The following E2F3 variants were observed in gnomAD, a reference collection of about 807,000 sequenced individuals.
The protein encoded by E2F3 is E2F transcription factor 3.
Under a neutral mutation model 44.4 loss-of-function variants are expected in E2F3, and 11 were observed. The observed-to-expected ratio is 0.25, with a 90% CI of 0.16 to 0.41. The LOEUF (loss-of-function observed/expected upper bound fraction) is 0.41, where lower values mean the gene tolerates loss of function less well. E2F3 is among the 10% of genes least tolerant of loss of function. The pLI is 1.00. For missense variants in E2F3, 487 were observed against 583.6 expected (o/e 0.83, Z 1.70); for synonymous variants, 249 against 253.0 (o/e 0.98, Z 0.15).
intron 1 of E2F3, among the ~76,000 whole-genome samples, chr6:20,459,098 T>C (rs1262491874): frequency 1.3e-5 from 2 of 152,168 alleles, no homozygotes; most frequent in African/African-American, 4.8e-5. Context: ...AAACCCCGTC[T>C]CTACTAAAAA....
At chr6:20,433,755 T>C (rs1394867298) in intron 1 of E2F3, among the ~76,000 whole-genome samples, 1 of 152,166 alleles carries the variant, frequency 6.6e-6, no homozygotes, top group Admixed American at 6.5e-5. Context: ...TATTTTCTTT[T>C]TTAAGACATA....
At chr6:20,413,908 T>C (rs939302234) in intron 1 of E2F3, among the ~76,000 whole-genome samples, 4 of 152,158 alleles carry the variant, frequency 2.6e-5, no homozygotes, top group African/African-American at 9.7e-5. Context: ...GACCTTTGAC[T>C]CCCAAATATT....
chr6:20,414,538 C>T (rs1759780462), intron 1 of E2F3, among the ~76,000 whole-genome samples: 1 of 151,940 alleles, frequency 6.6e-6, no homozygotes, highest in Non-Finnish European at 1.5e-5. Flanking sequence ...AACATATGAG[C>T]CTTTGAATAC....
At chr6:20,470,752 T>G (rs189637756) in intron 1 of E2F3, among the ~76,000 whole-genome samples, 22 of 152,330 alleles carry the variant, frequency 1.4e-4, no homozygotes, top group Non-Finnish European at 2.4e-4. Context: ...TTTGTTAACA[T>G]ACAGCAGGCC....
chr6:20,462,458 CT>C (rs111956411), intron 1 of E2F3, among the ~76,000 whole-genome samples: 7,477 of 139,278 alleles, frequency 0.054, 573 homozygotes, highest in African/African-American at 0.18. Context: ...TTCACTAATT[CT>C]TTTTTTTTTT....
At chr6:20,424,846 G>A (rs918829103) in intron 1 of E2F3, among the ~76,000 whole-genome samples, 2 of 152,180 alleles carry the variant, frequency 1.3e-5, no homozygotes, top group Non-Finnish European at 2.9e-5. Context: ...CAGTGATGAA[G>A]CAGTTTGTCC....
intron 1 of E2F3, among the ~76,000 whole-genome samples, chr6:20,463,822 A>G (rs1342953750): frequency 1.3e-5 from 2 of 152,162 alleles, no homozygotes; most frequent in African/African-American, 4.8e-5. Context: ...CACAGGTTGA[A>G]GGCTGAGCCC....
At chr6:20,443,612 G>A (rs1357349713) in intron 1 of E2F3, among the ~76,000 whole-genome samples, 1 of 151,900 alleles carries the variant, frequency 6.6e-6, no homozygotes, top group African/African-American at 2.4e-5. Context: ...GTGCACGCCT[G>A]TAGTCTTAGT....
At chr6:20,461,021 A>C (rs1761487764) in intron 1 of E2F3, among the ~76,000 whole-genome samples, 1 of 128,586 alleles carries the variant, frequency 7.8e-6, no homozygotes, top group African/African-American at 2.8e-5. Flanking sequence ...AAAAAAAAAA[A>C]AAAGCCATGT....
rs4134986 is a variant in E2F3, at chr6:20,492,176, C to G, written c.*1746C>G. ...AAAAAAAAAAACACACAAAAAACCA[C>G]AAGAGCCCCAGCCAGTTTACTCCAG... On this transcript the variant is annotated 3_prime_UTR_variant, in exon 7 of 7. Transcript: ENST00000346618. 1,563 of 224,954 alleles carry G rather than the reference C, an allele frequency of 6.9e-3. 34 individuals carry two copies. Among genetic ancestry groups the G allele is most frequent in the East Asian group, 0.054 (838 of 15,604 alleles). The allele number at this position is 224,954 out of a possible 1,614,324, so 13.9% of individuals were successfully genotyped here.
At chr6:20,483,229 C>T (rs373858358) in intron 4 of E2F3, among the ~76,000 whole-genome samples, 18 of 152,106 alleles carry the variant, frequency 1.2e-4, no homozygotes, top group East Asian at 1.2e-3. Context: ...ATACTCGTAG[C>T]GTAAGGCCAC....
At chr6:20,425,790 A>C (rs1405420906) in intron 1 of E2F3, among the ~76,000 whole-genome samples, 1 of 152,254 alleles carries the variant, frequency 6.6e-6, no homozygotes, top group Non-Finnish European at 1.5e-5. Flanking sequence ...GCTTTGCTAT[A>C]GAGTGGCATT....
chr6:20,410,069 G>A (rs1031215108), intron 1 of E2F3, among the ~76,000 whole-genome samples: 1 of 152,198 alleles, frequency 6.6e-6, no homozygotes, highest in Non-Finnish European at 1.5e-5. Flanking sequence ...TGATCCTGAA[G>A]GGTGGTAGCT....
chr6:20,446,387 C>T (rs1278809117), intron 1 of E2F3, among the ~76,000 whole-genome samples: 4 of 152,146 alleles, frequency 2.6e-5, no homozygotes, highest in Non-Finnish European at 5.9e-5. Context: ...AACTATTTCA[C>T]CAGAAGTTTA....
chr6:20,435,774 T>C (rs1218104337), intron 1 of E2F3, among the ~76,000 whole-genome samples: 2 of 151,930 alleles, frequency 1.3e-5, no homozygotes, highest in African/African-American at 4.8e-5. Context: ...ATAAAGTAAA[T>C]TCATTGACTT....
At chr6:20,410,267 G>C (rs140488019) in intron 1 of E2F3, among the ~76,000 whole-genome samples, 2,320 of 152,276 alleles carry the variant, frequency 0.015, 31 homozygotes, top group Non-Finnish European at 0.023. Context: ...GGAGGCTCAT[G>C]TGTTTATAAC....
At chr6:20,457,278 G>A (rs1242288417) in intron 1 of E2F3, among the ~76,000 whole-genome samples, 5 of 151,056 alleles carry the variant, frequency 3.3e-5, no homozygotes, top group African/African-American at 1.2e-4. Flanking sequence ...AGGTTCAAGC[G>A]ATTCTCCCGT....
At chr6:20,409,671 C>A (rs1759604645) in intron 1 of E2F3, among the ~76,000 whole-genome samples, 1 of 152,262 alleles carries the variant, frequency 6.6e-6, no homozygotes, top group South Asian at 2.1e-4. Flanking sequence ...TCAGTTAACT[C>A]TTTAAGAGGA....
intron 1 of E2F3, among the ~76,000 whole-genome samples, chr6:20,462,455 ATTCT>A (rs1482042764): frequency 6.9e-6 from 1 of 145,686 alleles, no homozygotes; most frequent in Non-Finnish European, 1.5e-5. Flanking sequence ...TATTTCACTA[ATTCT>A]TTTTTTTTTT....
Sources: gnomAD v4.1 joint callset for allele counts (sites outside exome capture counted in the v4.1 genomes callset) on GRCh38, gnomAD v4.1.1 for gene constraint, MANE v1.5 for transcripts, NCBI Gene and HGNC (gene_info 2026-07-23, HGNC 2026-07-21) for gene names.